NFKB1: variants seen among roughly 807,000 people sequenced by gnomAD.
NFKB1 encodes the protein nuclear factor NF-kappa-B p105 subunit.
Under a neutral mutation model 105.1 loss-of-function variants are expected in NFKB1, and 9 were observed. The observed-to-expected ratio is 0.09, with a 90% CI of 0.05 to 0.15. NFKB1 has a LOEUF of 0.15. Ranked by LOEUF, NFKB1 falls within the 10% of genes least tolerant of loss-of-function variation. NFKB1 has a pLI of 1.00. For synonymous variants in NFKB1, 440 were observed against 442.2 expected (o/e 1.00, Z 0.06); for missense variants, 830 against 1,203.7 (o/e 0.69, Z 4.59).
intron 1 of NFKB1, among the ~76,000 whole-genome samples, chr4:102,505,736 A>G (rs1199666567): frequency 6.6e-6 from 1 of 152,198 alleles, no homozygotes; most frequent in African/African-American, 2.4e-5. Flanking sequence ...GAGAGAATCA[A>G]ATACTCTAGT....
At chr4:102,523,495 T>C (rs1740698575) in intron 1 of NFKB1, among the ~76,000 whole-genome samples, 1 of 152,210 alleles carries the variant, frequency 6.6e-6, no homozygotes, top group Admixed American at 6.5e-5. Flanking sequence ...AGATTCTTTT[T>C]TGGAGGGCTT....
At chr4:102,589,972 GAAAAC>G (rs758442045) in intron 11 of NFKB1, among the ~76,000 whole-genome samples, 1 of 152,068 alleles carries the variant, frequency 6.6e-6, no homozygotes, top group African/African-American at 2.4e-5. Flanking sequence ...ACAGAAAGAT[GAAAAC>G]AAAACAAAAA....
chr4:102,552,963 G>A (rs937207466), intron 5 of NFKB1, among the ~76,000 whole-genome samples: 2 of 152,122 alleles, frequency 1.3e-5, no homozygotes, highest in Non-Finnish European at 2.9e-5. Flanking sequence ...TGTCTAGAGT[G>A]TAAAAAGACC....
In NFKB1 at chr4:102,612,491, T is replaced by G; in HGVS notation, c.2477T>G (p.Ile826Ser). 5.0e-6 allele frequency: 8 copies of G among 1,613,912 alleles called. No homozygotes were observed. The highest frequency in any genetic ancestry group is 6.8e-6 in the Non-Finnish European group (8 of 1,180,014). The part of the protein sequence containing the change: ...VKLQLYKLLE[I>S]PDPDKNWATL... Reference sequence around the variant, plus strand: ...CTGCAGCTGTATAAGTTACTAGAAATTCCTGATCCAGACAAAAACTGGGCT... The same window carrying G: ...CTGCAGCTGTATAAGTTACTAGAAAGTCCTGATCCAGACAAAAACTGGGCT... The change falls in exon 22 of 24, where the codon ATT becomes AGT. Residue 826 changes from isoleucine (I) to serine (S), a missense_variant. Coordinates refer to ENST00000226574, the MANE Select transcript of NFKB1 (RefSeq NM_003998.4).
chr4:102,609,626 A>AAAAG (rs1413556020), intron 19 of NFKB1, among the ~76,000 whole-genome samples: 9 of 150,676 alleles, frequency 6.0e-5, no homozygotes, highest in African/African-American at 2.2e-4. Flanking sequence ...AAAAAAAAAA[A>AAAAG]AAAAAAAAGC....
intron 13 of NFKB1, among the ~76,000 whole-genome samples, chr4:102,595,315 A>G (rs1292585397): frequency 1.3e-5 from 2 of 152,196 alleles, no homozygotes; most frequent in Non-Finnish European, 2.9e-5. Context: ...CTCAAATAGT[A>G]CACTTCTGAA....
chr4:102,558,449 G>C (rs1723155254), intron 5 of NFKB1, among the ~76,000 whole-genome samples: 1 of 152,056 alleles, frequency 6.6e-6, no homozygotes. Flanking sequence ...AAAAAAAAGA[G>C]TACAGTTATC....
At chr4:102,583,053 C>G (rs1040354131) in intron 10 of NFKB1, 96 bp downstream of exon 10, 1 of 755,038 alleles carries the variant, frequency 1.3e-6, no homozygotes, top group African/African-American at 1.7e-5. Flanking sequence ...AATCACAGCT[C>G]ACTGTATCCC....
chr4:102,596,193 C>T lies in NFKB1; in HGVS notation c.1356C>T (p.Asp452=), dbSNP rs768476432. 2.5e-6 allele frequency: 4 copies of T among 1,612,862 alleles called. No individual in the cohort carries two copies. Among genetic ancestry groups the T allele is most frequent in the Admixed American group, 3.3e-5 (2 of 59,952 alleles). The change falls in exon 14 of 24, where the codon GAC becomes GAT. Residue 452 remains aspartate (D), a synonymous_variant. Coordinates refer to ENST00000226574, the MANE Select transcript of NFKB1 (RefSeq NM_003998.4). The part of the protein sequence containing the change: ...KDPEGCDKSD[D]KNTVNLFGKV... The stretch of plus-strand genomic sequence containing the variant: ...CTGAAGGTTGTGACAAAAGTGATGA[C>T]AAAAACACTGTAAACCTCTTTGGGA...
At chr4:102,587,957 T>C (rs1456650007) in intron 11 of NFKB1, among the ~76,000 whole-genome samples, 2 of 152,192 alleles carry the variant, frequency 1.3e-5, no homozygotes, top group Non-Finnish European at 2.9e-5. Flanking sequence ...TCAGAAGTCA[T>C]TGAACACACT....
intron 10 of NFKB1, 143 bp downstream of exon 10, chr4:102,583,100 C>T (rs1725443410): frequency 3.9e-6 from 2 of 513,936 alleles, no homozygotes; most frequent in South Asian, 7.3e-5. Context: ...CTGTCTCAAC[C>T]TACCAAATAT....
At chr4:102,552,831 C>T (rs992400383) in intron 5 of NFKB1, among the ~76,000 whole-genome samples, 6 of 152,082 alleles carry the variant, frequency 3.9e-5, no homozygotes, top group African/African-American at 1.4e-4. Flanking sequence ...GATCCTAGAA[C>T]TTTGAGAAAC....
intron 6 of NFKB1, among the ~76,000 whole-genome samples, chr4:102,570,811 C>T (rs1448003470): frequency 6.6e-6 from 1 of 152,156 alleles, no homozygotes; most frequent in African/African-American, 2.4e-5. Flanking sequence ...GAACTACAAA[C>T]CCCTGCTTAA....
At chr4:102,598,577 C>T (rs1458344865) in intron 15 of NFKB1, among the ~76,000 whole-genome samples, 1 of 152,210 alleles carries the variant, frequency 6.6e-6, no homozygotes, top group Admixed American at 6.5e-5. Context: ...GGTATAACCA[C>T]TGGCCTTGTT....
chr4:102,590,532 C>G (rs1160312345), intron 11 of NFKB1, among the ~76,000 whole-genome samples: 2 of 152,140 alleles, frequency 1.3e-5, no homozygotes, highest in Non-Finnish European at 2.9e-5. Flanking sequence ...ATACTCGAAA[C>G]TTTTCCATGA....
intron 1 of NFKB1, among the ~76,000 whole-genome samples, chr4:102,511,234 G>T (rs898634128): frequency 2.0e-5 from 3 of 152,134 alleles, no homozygotes; most frequent in Non-Finnish European, 2.9e-5. Flanking sequence ...CATAAGTAGG[G>T]TTTTATTTCT....
intron 6 of NFKB1, among the ~76,000 whole-genome samples, chr4:102,573,128 G>T (rs1724523020): frequency 6.6e-6 from 1 of 152,090 alleles, no homozygotes; most frequent in East Asian, 1.9e-4. Flanking sequence ...GACCAACATG[G>T]AGAAACCCCG....
chr4:102,597,060 C>T (rs769202478), intron 14 of NFKB1, among the ~76,000 whole-genome samples: 3 of 152,084 alleles, frequency 2.0e-5, no homozygotes, highest in Non-Finnish European at 2.9e-5. Context: ...TTTACAAAAA[C>T]GTGAGTGGCT....
chr4:102,606,131 G>T (rs184586869), intron 16 of NFKB1, among the ~76,000 whole-genome samples: 6 of 152,302 alleles, frequency 3.9e-5, no homozygotes, highest in African/African-American at 1.4e-4. Flanking sequence ...AGAAAAAATT[G>T]TAAGTATATG....
Sources: gnomAD v4.1 joint callset for allele counts (sites outside exome capture counted in the v4.1 genomes callset) on GRCh38, gnomAD v4.1.1 for gene constraint, MANE v1.5 for transcripts, NCBI Gene and HGNC (gene_info 2026-07-23, HGNC 2026-07-21) for gene names.